The following SETBP1 variants were observed in gnomAD, a reference collection of about 807,000 sequenced individuals.
The protein encoded by SETBP1 is SET-binding protein.
SETBP1 carries 9 observed loss-of-function variants against 101.0 expected under a neutral mutation model. That is an observed-to-expected ratio of 0.09 (90% confidence interval 0.05 to 0.16). The LOEUF is 0.16. Among genes scored for constraint, SETBP1 ranks in the 10% least tolerant of loss-of-function variants. SETBP1 has a pLI of 1.00. For missense variants in SETBP1, 1,858 were observed against 2,033.8 expected, an observed-to-expected ratio of 0.91 and a Z score of 1.66; for synonymous variants, 818 against 788.5, an observed-to-expected ratio of 1.04 and a Z score of -0.63.
intron 4 of SETBP1, among the ~76,000 whole-genome samples, chr18:44,990,598 CA>C (rs1461957741): frequency 3.4e-5 from 3 of 88,824 alleles, no homozygotes; most frequent in Non-Finnish European, 4.7e-5. Flanking sequence ...TCTCAAAAAA[CA>C]AACAAACAAA....
chr18:44,863,483 C>G (rs990403799), intron 2 of SETBP1, among the ~76,000 whole-genome samples: 1 of 152,178 alleles, frequency 6.6e-6, no homozygotes, highest in African/African-American at 2.4e-5. Flanking sequence ...TTTTCCTTAC[C>G]CGTAGGCTGT....
At chr18:44,996,462 CCA>C (rs1218637539) in intron 4 of SETBP1, among the ~76,000 whole-genome samples, 1 of 152,196 alleles carries the variant, frequency 6.6e-6, no homozygotes, top group African/African-American at 2.4e-5. Context: ...GCTTCTCTGT[CCA>C]CGTGTAGGCC....
chr18:44,997,910 C>T (rs901824690), intron 4 of SETBP1, among the ~76,000 whole-genome samples: 4 of 152,308 alleles, frequency 2.6e-5, no homozygotes, highest in South Asian at 4.1e-4. Context: ...GTAATTGAAA[C>T]TAATTATGAG....
At chr18:44,846,300 CT>C (rs1468953810) in intron 2 of SETBP1, among the ~76,000 whole-genome samples, 2 of 152,204 alleles carry the variant, frequency 1.3e-5, no homozygotes, top group East Asian at 3.8e-4. Flanking sequence ...ACAAAATTCA[CT>C]CTTAAAAGTG....
At chr18:44,745,921 G>A (rs16978151) in intron 2 of SETBP1, among the ~76,000 whole-genome samples, 46,540 of 152,044 alleles carry the variant, frequency 0.31, 7,355 homozygotes, top group East Asian at 0.41. Flanking sequence ...AGTGTCCAGT[G>A]TAGTGGTGAC....
chr18:44,837,101 C>G, intron 2 of SETBP1, among the ~76,000 whole-genome samples: 1 of 152,238 alleles, frequency 6.6e-6, no homozygotes, highest in Non-Finnish European at 1.5e-5. Flanking sequence ...TTGACATCTT[C>G]ATAACCAGCA....
chr18:44,798,406 GA>G (rs1450178366), intron 2 of SETBP1, among the ~76,000 whole-genome samples: 1 of 152,100 alleles, frequency 6.6e-6, no homozygotes, highest in Non-Finnish European at 1.5e-5. Context: ...TACAGAAATG[GA>G]AATGTCCCTC....
At chr18:44,997,845 G>T (rs1268984507) in intron 4 of SETBP1, among the ~76,000 whole-genome samples, 1 of 152,122 alleles carries the variant, frequency 6.6e-6, no homozygotes, top group Admixed American at 6.6e-5. Flanking sequence ...GTATCTGGTC[G>T]GTAGTTCCTT....
intron 5 of SETBP1, 136 bp downstream of exon 5, chr18:45,038,791 G>GTT: frequency 1.2e-6 from 1 of 851,162 alleles, no homozygotes; most frequent in Non-Finnish European, 1.9e-6. Context: ...CATGGGAGCC[G>GTT]TTTCAGCACT....
chr18:44,949,948 G>T lies in SETBP1; in HGVS notation c.608G>T (p.Gly203Val). 2 of 1,614,024 alleles carry T rather than the reference G, an allele frequency of 1.2e-6. No individual in the cohort carries two copies. Among genetic ancestry groups the T allele is most frequent in the East Asian group, 4.5e-5 (2 of 44,870 alleles). Residue 203 changes from glycine to valine, a missense_variant, in exon 4 of 6, where the codon GGT becomes GTT. By Grantham distance (109) the Gly-to-Val change is moderately radical. Around this residue, in one of 12 missense-constraint regions of SETBP1, gnomAD observed 581 missense variants for 535.1 expected, o/e 1.09. Transcript: ENST00000649279. ...ACGGGCCTCCCACAGGACTTCACCG[G>T]TGACACCTTAAAACCAAAGCACCAG... ...YDTGLPQDFTGDTLKPKHQQK... is the reference protein window; with the variant it reads ...YDTGLPQDFTVDTLKPKHQQK...
intron 2 of SETBP1, among the ~76,000 whole-genome samples, chr18:44,711,536 C>CT (rs949771840): frequency 4.3e-5 from 4 of 92,552 alleles, no homozygotes; most frequent in African/African-American, 1.6e-4. Flanking sequence ...TTTTTTTTTT[C>CT]TTTTTTTAAA....
At chr18:44,905,567 G>C (rs2070155730) in intron 3 of SETBP1, among the ~76,000 whole-genome samples, 1 of 132,596 alleles carries the variant, frequency 7.5e-6, no homozygotes. Context: ...AGAAATAAAA[G>C]GGTTCTGATA....
At chr18:44,956,284 T>C (rs926773481) in intron 4 of SETBP1, among the ~76,000 whole-genome samples, 1 of 152,108 alleles carries the variant, frequency 6.6e-6, no homozygotes. Flanking sequence ...AAAATATCTT[T>C]AGCATCACAT....
At chr18:44,813,877 A>T (rs2071915615) in intron 2 of SETBP1, among the ~76,000 whole-genome samples, 1 of 152,152 alleles carries the variant, frequency 6.6e-6, no homozygotes, top group Non-Finnish European at 1.5e-5. Context: ...TTTGTTGTTA[A>T]CCCTGGAACC....
chr18:44,991,003 C>T (rs2072361451), intron 4 of SETBP1, among the ~76,000 whole-genome samples: 1 of 149,008 alleles, frequency 6.7e-6, no homozygotes, highest in African/African-American at 2.5e-5. Context: ...GTAATCCCAG[C>T]ACTTTGGGAG....
chr18:44,845,080 T>A (rs1013965156), intron 2 of SETBP1, among the ~76,000 whole-genome samples: 1 of 152,136 alleles, frequency 6.6e-6, no homozygotes, highest in African/African-American at 2.4e-5. Context: ...ATGTGGCTAT[T>A]CCCTTTCACT....
intron 4 of SETBP1, among the ~76,000 whole-genome samples, chr18:45,021,877 C>G (rs912354159): frequency 3.3e-5 from 5 of 152,056 alleles, no homozygotes; most frequent in Non-Finnish European, 7.4e-5. Context: ...TAGTGTTTCC[C>G]TCATAGTGCC....
chr18:44,945,145 C>T (rs1018241774), intron 3 of SETBP1, among the ~76,000 whole-genome samples: 6 of 152,084 alleles, frequency 3.9e-5, no homozygotes, highest in Non-Finnish European at 5.9e-5. Flanking sequence ...GCTATCCCTC[C>T]GCTCCCCGCC....
At chr18:44,788,579 C>G (rs1390054221) in intron 2 of SETBP1, among the ~76,000 whole-genome samples, 1 of 152,086 alleles carries the variant, frequency 6.6e-6, no homozygotes, top group African/African-American at 2.4e-5. Flanking sequence ...GGCTCAAGAC[C>G]TTATCTTTGC....
Sources: gnomAD v4.1 joint callset for allele counts (sites outside exome capture counted in the v4.1 genomes callset) on GRCh38, gnomAD v4.1.1 for gene constraint, gnomAD v4.1.1 regional missense constraint, MANE v1.5 for transcripts, NCBI Gene and HGNC (gene_info 2026-07-23, HGNC 2026-07-21) for gene names.